LANCL2: variants seen among roughly 807,000 people sequenced by gnomAD.
LANCL2 encodes the protein LanC like glutathione S-transferase 2, also known as lanC-like protein 2.
LANCL2 carries 33 observed loss-of-function variants against 56.9 expected under a neutral mutation model. The ratio of observed to expected loss-of-function variants is 0.58; its 90% CI spans 0.44 to 0.78. The LOEUF is 0.78. LANCL2 is among the 30% of genes least tolerant of loss of function. LANCL2 has a pLI of 0.00. For synonymous variants in LANCL2, 233 were observed against 228.2 expected (o/e 1.02, Z -0.19); for missense variants, 562 against 580.2 (o/e 0.97, Z 0.32).
intron 1 of LANCL2, among the ~76,000 whole-genome samples, chr7:55,375,957 T>A (rs1274625401): frequency 6.6e-6 from 1 of 152,200 alleles, no homozygotes; most frequent in East Asian, 1.9e-4. Context: ...TCTCTCTGAT[T>A]TCACCTTCTG....
chr7:55,400,167 G>T, intron 4 of LANCL2, 63 bp downstream of exon 4: 1 of 1,354,364 alleles, frequency 7.4e-7, no homozygotes. Context: ...CTAGCATTGA[G>T]TTGTATTAAC....
intron 5 of LANCL2, among the ~76,000 whole-genome samples, chr7:55,405,762 C>A (rs1790399355): frequency 6.6e-6 from 1 of 151,978 alleles, no homozygotes; most frequent in Admixed American, 6.6e-5. Context: ...TTATGGACTT[C>A]CTTGGGAGGA....
rs869116156 is a variant in LANCL2, at chr7:55,416,969, GTTTTTTTTTTTT to G, written c.1008+4896_1008+4907del. Among the ~76,000 whole-genome samples the G allele has an allele frequency of 2.3e-3, 184 of 81,662 alleles. 6 individuals are homozygous for G. The East Asian group carries it at 0.047, about 21-fold the overall frequency. 53.6% of individuals were successfully genotyped at this position (81,662 alleles called of 152,430 possible). A position where few individuals can be genotyped will look rare whatever the true frequency, so the allele number is the denominator to read the frequency against. On this transcript the variant is annotated intron_variant, in intron 6 of 8. Coordinates refer to ENST00000254770, the MANE Select transcript of LANCL2 (RefSeq NM_018697.4). Reference sequence around the variant, plus strand: ...ATTACATGAGGTAACAAACGAGGTGGTTTTTTTTTTTTTTTTTTTTTTTTTTTGGAGACAGAG... The same window carrying G: ...ATTACATGAGGTAACAAACGAGGTGGTTTTTTTTTTTTTTTGGAGACAGAG...
At chr7:55,377,551 T>G (rs1790017140) in intron 1 of LANCL2, among the ~76,000 whole-genome samples, 1 of 152,152 alleles carries the variant, frequency 6.6e-6, no homozygotes, top group Admixed American at 6.5e-5. Flanking sequence ...TAAGATTTAT[T>G]ACCATGAAAA....
chr7:55,397,661 T>TC (rs756783762), intron 2 of LANCL2, among the ~76,000 whole-genome samples: 12 of 147,604 alleles, frequency 8.1e-5, no homozygotes, highest in Non-Finnish European at 1.8e-4. Context: ...TGATTCTTTT[T>TC]TTTTTTTTTT....
chr7:55,381,740 A>G (rs1048879984), intron 1 of LANCL2, among the ~76,000 whole-genome samples: 1 of 152,264 alleles, frequency 6.6e-6, no homozygotes, highest in Admixed American at 6.5e-5. Context: ...TCATATATAC[A>G]TGGGACGTAC....
chr7:55,407,795 T>C (rs1790426283), intron 5 of LANCL2, among the ~76,000 whole-genome samples: 1 of 152,228 alleles, frequency 6.6e-6, no homozygotes, highest in African/African-American at 2.4e-5. Flanking sequence ...GCCAGTTCCT[T>C]GGAGTGAATC....
At position 55,416,244 on chromosome 7, in the gene LANCL2, A is replaced by G. The variant is rs115289485; in HGVS notation, c.1008+4155A>G. On this transcript the variant is annotated intron_variant, in intron 6 of 8. Coordinates refer to ENST00000254770, the MANE Select transcript of LANCL2 (RefSeq NM_018697.4). ...TAATGTTGCATGTGCTCATGGGCCA[A>G]TTGTGTATCTTCCTTTGTTGACTGT... Among the ~76,000 whole-genome samples, 539 of 152,190 alleles carry G rather than the reference A, an allele frequency of 3.5e-3. 6 individuals are homozygous for G. Among genetic ancestry groups the G allele is most frequent in the African/African-American group, 0.012 (511 of 41,514 alleles).
intron 6 of LANCL2, among the ~76,000 whole-genome samples, chr7:55,413,522 C>T (rs1790493678): frequency 6.6e-6 from 1 of 152,222 alleles, no homozygotes; most frequent in Admixed American, 6.5e-5. Flanking sequence ...TGCCAGGAAC[C>T]AGGCTGTCCT....
intron 1 of LANCL2, among the ~76,000 whole-genome samples, chr7:55,381,006 G>A (rs563378152): frequency 6.6e-6 from 1 of 152,146 alleles, no homozygotes; most frequent in East Asian, 1.9e-4. Flanking sequence ...CCAGTGGCTG[G>A]GATTACACGC....
At chr7:55,399,203 T>G (rs893907700) in intron 3 of LANCL2, among the ~76,000 whole-genome samples, 1 of 151,128 alleles carries the variant, frequency 6.6e-6, no homozygotes, top group Non-Finnish European at 1.5e-5. Context: ...AGCTCAGGAG[T>G]TCAAGGCTGC....
chr7:55,397,927 C>G (rs992629221), intron 2 of LANCL2, among the ~76,000 whole-genome samples: 3 of 150,948 alleles, frequency 2.0e-5, no homozygotes, highest in African/African-American at 7.3e-5. Context: ...TAGGGTTGTT[C>G]ACTAAAGAAC....
intron 1 of LANCL2, among the ~76,000 whole-genome samples, chr7:55,380,573 G>T (rs1032065748): frequency 1.3e-5 from 2 of 152,186 alleles, no homozygotes; most frequent in Admixed American, 1.3e-4. Flanking sequence ...GCAGACTGCA[G>T]TGTAATTGGT....
chr7:55,432,380 T>C lies in LANCL2; in HGVS notation c.*1060T>C, dbSNP rs970551539. On this transcript the variant is annotated 3_prime_UTR_variant, in exon 9 of 9. Transcript: ENST00000254770. Reference sequence around the variant, plus strand: ...AAGTACTAGCCCTTATTTATAGATATGAGAAACATAATGTTCTAACCAACA... The same window carrying C: ...AAGTACTAGCCCTTATTTATAGATACGAGAAACATAATGTTCTAACCAACA... The C allele has an allele frequency of 6.6e-6, 1 of 152,224 alleles. No homozygotes were observed. Among genetic ancestry groups the C allele is most frequent in the Non-Finnish European group, 1.5e-5 (1 of 68,036 alleles). 9.4% of individuals were successfully genotyped at this position (152,224 alleles called of 1,614,324 possible). A position where few individuals can be genotyped will look rare whatever the true frequency, so the allele number is the denominator to read the frequency against.
chr7:55,403,776 C>A (rs950475424), intron 5 of LANCL2, among the ~76,000 whole-genome samples: 1 of 151,636 alleles, frequency 6.6e-6, no homozygotes, highest in Non-Finnish European at 1.5e-5. Context: ...TTCACCATAT[C>A]GGCCAGGCTG....
intron 1 of LANCL2, among the ~76,000 whole-genome samples, chr7:55,378,955 A>G (rs1370487492): frequency 6.6e-6 from 1 of 152,110 alleles, no homozygotes; most frequent in Non-Finnish European, 1.5e-5. Context: ...ACACGGTGAA[A>G]CCCTGTCTCT....
At position 55,416,983 on chromosome 7, in the gene LANCL2, T is replaced by TTTTTTTTG. The variant is rs1304293617; in HGVS notation, c.1008+4901_1008+4902insGTTTTTTT. Among the ~76,000 whole-genome samples, 333 of 137,806 alleles carry TTTTTTTTG rather than the reference T, an allele frequency of 2.4e-3. 9 individuals carry two copies. The highest frequency in any genetic ancestry group is 3.4e-3 in the South Asian group (14 of 4,058). The allele number at this position is 137,806 out of a possible 152,430, so 90.4% of individuals were successfully genotyped here. On this transcript the variant is annotated intron_variant, in intron 6 of 8. Transcript: ENST00000254770. ...CAAACGAGGTGGTTTTTTTTTTTTT[T>TTTTTTTTG]TTTTTTTTTTTTTGGAGACAGAGTC...
In LANCL2 at chr7:55,375,330, A is replaced by G. The variant is rs1314106841; in HGVS notation, c.204+9101A>G. 3.3e-5 allele frequency among the ~76,000 whole-genome samples: 5 copies of G among 152,256 alleles called. 1 individual carries two copies. The highest frequency in any genetic ancestry group is 1.2e-4 in the African/African-American group (5 of 41,464). On this transcript the variant is annotated intron_variant, in intron 1 of 8. Coordinates refer to ENST00000254770, the MANE Select transcript of LANCL2 (RefSeq NM_018697.4). The stretch of plus-strand genomic sequence containing the variant: ...AGTATTTTAGAAAGAGAATGATTGC[A>G]TATTCCGTAGTTTTCAGATGGAATG...
chr7:55,417,316 T>C (rs1406920588), intron 6 of LANCL2, among the ~76,000 whole-genome samples: 1 of 152,126 alleles, frequency 6.6e-6, no homozygotes, highest in Admixed American at 6.6e-5. Context: ...TATCTGATTG[T>C]TCCCATACCT....
Sources: allele counts gnomAD v4.1 joint callset (sites outside exome capture counted in the v4.1 genomes callset), GRCh38; gene constraint gnomAD v4.1.1; transcripts MANE v1.5; gene names NCBI Gene and HGNC (gene_info 2026-07-23, HGNC 2026-07-21).